The following DISC1 variants were observed in gnomAD, a reference collection of about 807,000 sequenced individuals.
DISC1 encodes DISC1 scaffold protein.
A neutral mutation model predicts 84.5 loss-of-function variants in DISC1; 57 were observed. That is an observed-to-expected ratio of 0.67 (90% CI 0.55 to 0.84). The LOEUF is 0.84. DISC1 is among the 40% of genes least tolerant of loss of function. The probability of loss-of-function intolerance (pLI) is 0.00; values close to 1 mark genes in which losing one functional copy is unlikely to be tolerated. For synonymous variants in DISC1, 411 were observed against 415.2 expected (o/e 0.99, Z 0.12); for missense variants, 1,000 against 1,057.8 (o/e 0.95, Z 0.76).
At position 231,881,747 on chromosome 1, in the gene DISC1, C is replaced by T. The variant is rs541502387; in HGVS notation, c.1981+63230C>T. 2.2e-4 allele frequency among the ~76,000 whole-genome samples: 29 copies of T among 134,330 alleles called. 1 individual carries two copies. Among genetic ancestry groups the T allele is most frequent in the African/African-American group, 5.8e-4 (21 of 36,140 alleles). The allele number at this position is 134,330 out of a possible 152,430, so 88.1% of individuals were successfully genotyped here. On this transcript the variant is annotated intron_variant, in intron 9 of 12. Transcript: ENST00000439617. ...TCGTGTCTCATTCTGGAAACTATGCCGATCAGTCAAAGTTTCCAGAGCCAG... is the reference window on the plus strand; with the variant it reads ...TCGTGTCTCATTCTGGAAACTATGCTGATCAGTCAAAGTTTCCAGAGCCAG...
At chr1:231,870,501 C>G (rs2085379760) in intron 9 of DISC1, among the ~76,000 whole-genome samples, 1 of 152,146 alleles carries the variant, frequency 6.6e-6, no homozygotes, top group Admixed American at 6.5e-5. Context: ...TCTGAGCGGC[C>G]CGAGCTGTCT....
At chr1:231,683,184 A>G (rs1386007331) in intron 1 of DISC1, among the ~76,000 whole-genome samples, 1 of 152,210 alleles carries the variant, frequency 6.6e-6, no homozygotes, top group Non-Finnish European at 1.5e-5. Flanking sequence ...GAGAGAGAGT[A>G]TTCTGCAAAG....
chr1:232,020,730 A>G (rs1668883091), intron 11 of DISC1, among the ~76,000 whole-genome samples: 1 of 152,202 alleles, frequency 6.6e-6, no homozygotes, highest in Non-Finnish European at 1.5e-5. Flanking sequence ...AGTTTCTTTT[A>G]TTTTAAAAGA....
At chr1:231,855,337 C>A in intron 9 of DISC1, 8 of 968,398 alleles carry the variant, frequency 8.3e-6, no homozygotes, top group Non-Finnish European at 9.8e-6. Context: ...CAATTTTTGT[C>A]AATTAAACAG....
intron 3 of DISC1, among the ~76,000 whole-genome samples, chr1:231,725,467 C>G (rs773797203): frequency 1.3e-5 from 2 of 152,160 alleles, no homozygotes; most frequent in African/African-American, 2.4e-5. Context: ...CTGCCCCTTT[C>G]CTAGGAAGTT....
At chr1:231,952,691 T>TTATATATA (rs60722025) in intron 9 of DISC1, among the ~76,000 whole-genome samples, 10 of 141,826 alleles carry the variant, frequency 7.1e-5, no homozygotes, top group South Asian at 2.2e-4. Context: ...ATATATATGT[T>TTATATATA]TATATATATA....
intron 5 of DISC1, among the ~76,000 whole-genome samples, chr1:231,770,378 A>G (rs1056514754): frequency 2.6e-5 from 4 of 152,070 alleles, no homozygotes; most frequent in Non-Finnish European, 4.4e-5. Flanking sequence ...TTAAGAAGCC[A>G]TTTTTTACCT....
At chr1:231,641,696 C>T (rs1162741948) in intron 1 of DISC1, among the ~76,000 whole-genome samples, 1 of 152,226 alleles carries the variant, frequency 6.6e-6, no homozygotes. Flanking sequence ...CTGATTGGTA[C>T]GTTTACAATC....
chr1:231,968,810 C>T (rs1381976172), intron 10 of DISC1, among the ~76,000 whole-genome samples: 2 of 151,976 alleles, frequency 1.3e-5, no homozygotes, highest in African/African-American at 2.4e-5. Flanking sequence ...TTTTCAAGTA[C>T]CAGCTCTGGA....
At chr1:231,958,783 G>T in intron 9 of DISC1, 45 bp from the exon 10 acceptor site, 7 of 1,571,820 alleles carry the variant, frequency 4.5e-6, no homozygotes, top group Non-Finnish European at 6.1e-6. Context: ...TTATTCAATT[G>T]TGACTGCAGT....
chr1:231,687,171 A>G (rs1462606679), intron 1 of DISC1, among the ~76,000 whole-genome samples: 1 of 152,178 alleles, frequency 6.6e-6, no homozygotes, highest in Non-Finnish European at 1.5e-5. Flanking sequence ...ACCCAGTTCC[A>G]AAGTTGCTTC....
Position 231,639,293 on chromosome 1 carries a change from C to A in DISC1, c.67+12359C>A, listed in dbSNP as rs538580149. Among the ~76,000 whole-genome samples, 7 of 152,324 alleles carry A rather than the reference C, an allele frequency of 4.6e-5. No homozygotes were observed. In the South Asian group the frequency reaches 1.4e-3, roughly 32 times the overall value. ...TTCGTGAGAGAAAAATGTCCATTCTCCATATCAAAGCACATTATCATGATT... is the reference window on the plus strand; with the variant it reads ...TTCGTGAGAGAAAAATGTCCATTCTACATATCAAAGCACATTATCATGATT... On this transcript the variant is annotated intron_variant, in intron 1 of 12. Transcript: ENST00000439617.
intron 9 of DISC1, 39 bp downstream of exon 9, chr1:231,818,556 G>C: frequency 6.2e-7 from 1 of 1,612,272 alleles, no homozygotes; most frequent in Non-Finnish European, 8.5e-7. Context: ...AGATATTGAT[G>C]ATATTTGTTG....
chr1:231,866,685 C>T, intron 9 of DISC1: 1 of 1,394,086 alleles, frequency 7.2e-7, no homozygotes, highest in South Asian at 2.0e-5. Flanking sequence ...GACATGATGT[C>T]ACAATAAAAA....
intron 9 of DISC1, among the ~76,000 whole-genome samples, chr1:231,907,748 A>G (rs1315903488): frequency 3.3e-5 from 5 of 152,228 alleles, no homozygotes; most frequent in African/African-American, 1.2e-4. Context: ...AGGAATCGCT[A>G]CACTGTCTTC....
intron 1 of DISC1, among the ~76,000 whole-genome samples, chr1:231,628,960 C>T (rs976744078): frequency 3.3e-5 from 5 of 151,976 alleles, no homozygotes; most frequent in African/African-American, 1.2e-4. Context: ...TGGTCTCGAC[C>T]TCCTGGCTTC....
rs58417705 is a variant in DISC1, at chr1:231,931,473, T to C, written c.1982-27355T>C. 8.2e-3 allele frequency among the ~76,000 whole-genome samples: 1,248 copies of C among 152,272 alleles called. 24 individuals carry two copies. Among genetic ancestry groups the C allele is most frequent in the African/African-American group, 0.028 (1,182 of 41,550 alleles). Reference sequence around the variant, plus strand: ...ATAAAATTTTAACTTGACTCACTGGTTCCTGGCAGGGTCAATAAATATTTG... The same window carrying C: ...ATAAAATTTTAACTTGACTCACTGGCTCCTGGCAGGGTCAATAAATATTTG... On this transcript the variant is annotated intron_variant, in intron 9 of 12. Transcript: ENST00000439617.
At chr1:231,820,756 A>G (rs1291433346) in intron 9 of DISC1, among the ~76,000 whole-genome samples, 1 of 152,204 alleles carries the variant, frequency 6.6e-6, no homozygotes, top group Non-Finnish European at 1.5e-5. Flanking sequence ...AGAAATCTGC[A>G]CACATCTCTG....
At chr1:231,946,986 C>T (rs2126147098) in intron 9 of DISC1, among the ~76,000 whole-genome samples, 1 of 152,352 alleles carries the variant, frequency 6.6e-6, no homozygotes, top group South Asian at 2.1e-4. Flanking sequence ...ACATTCCATG[C>T]TCATGGATAG....
Sources: allele counts gnomAD v4.1 joint callset (sites outside exome capture counted in the v4.1 genomes callset), GRCh38; gene constraint gnomAD v4.1.1; transcripts MANE v1.5; gene names NCBI Gene and HGNC (gene_info 2026-07-23, HGNC 2026-07-21).